Variants in RAPGEFL1 observed in about 807,000 individuals in gnomAD.
RAPGEFL1 encodes rap guanine nucleotide exchange factor-like 1.
In RAPGEFL1, 31 loss-of-function variants were observed where a neutral mutation model predicts 64.4. The ratio of observed to expected loss-of-function variants is 0.48; its 90% CI spans 0.36 to 0.65. The LOEUF (loss-of-function observed/expected upper bound fraction) is 0.65, where lower values mean the gene tolerates loss of function less well. Ranked by LOEUF, RAPGEFL1 falls within the 30% of genes least tolerant of loss-of-function variation. The pLI, the probability that RAPGEFL1 is intolerant of heterozygous loss-of-function variation, is 0.00. For synonymous variants in RAPGEFL1, 331 were observed against 274.1 expected, an observed-to-expected ratio of 1.21 and a Z score of -2.05; for missense variants, 682 against 677.4, an observed-to-expected ratio of 1.01 and a Z score of -0.08.
chr17:40,179,202 G>T lies in RAPGEFL1; in HGVS notation c.520+821G>T, dbSNP rs981824904. Among the ~76,000 whole-genome samples the T allele has an allele frequency of 6.6e-5, 10 of 152,264 alleles. No individual in the cohort carries two copies. The South Asian group carries it at 2.1e-3, about 32-fold the overall frequency. On this transcript the variant is annotated intron_variant, in intron 1 of 14. Transcript: ENST00000620260. ...CTGCCTCAGCCTCCTGAGTAGCTGG[G>T]ACTACAGGCATGTGGCACCACGCCT...
In RAPGEFL1 at chr17:40,184,206, A is replaced by G; in HGVS notation, c.600-8A>G. On this transcript the variant is annotated splice_region_variant and splice_polypyrimidine_tract_variant and intron_variant, in intron 2 of 14. Coordinates refer to ENST00000620260, the MANE Select transcript of RAPGEFL1 (RefSeq NM_016339.6). ...TTGCGTAGGGATTTTTCTTAACTTAAGGGTCAGCTTTGTTCGGGCAGGAGG... is the reference window on the plus strand; with the variant it reads ...TTGCGTAGGGATTTTTCTTAACTTAGGGGTCAGCTTTGTTCGGGCAGGAGG... 5 of 1,593,788 alleles carry G rather than the reference A, an allele frequency of 3.1e-6. No homozygotes were observed. The highest frequency in any genetic ancestry group is 4.3e-6 in the Non-Finnish European group (5 of 1,162,064).
chr17:40,180,433 A>G (rs1989858978), intron 1 of RAPGEFL1, among the ~76,000 whole-genome samples: 1 of 152,084 alleles, frequency 6.6e-6, no homozygotes, highest in Admixed American at 6.5e-5. Flanking sequence ...TGCCACTCTG[A>G]TGTTCTCCAA....
intron 12 of RAPGEFL1, 93 bp from the exon 13 acceptor site, chr17:40,192,833 T>C: frequency 7.3e-7 from 1 of 1,363,530 alleles, no homozygotes; most frequent in African/African-American, 1.4e-5. Context: ...ACGGAGTGGG[T>C]TCTGGGGAAG....
rs374789467 is a variant in RAPGEFL1, at chr17:40,188,859, A to G, written c.834-7A>G. On this transcript the variant is annotated splice_polypyrimidine_tract_variant and splice_region_variant and intron_variant, in intron 4 of 14. Transcript: ENST00000620260. Reference sequence around the variant, plus strand: ...GGCGTGCTGATGCCCAGCTGTGTCCATGCCAGGATTCCAGAGGAGAACCAG... The same window carrying G: ...GGCGTGCTGATGCCCAGCTGTGTCCGTGCCAGGATTCCAGAGGAGAACCAG... 5 of 1,612,638 alleles carry G rather than the reference A, an allele frequency of 3.1e-6. No individual in the cohort carries two copies. The highest frequency in any genetic ancestry group is 4.5e-5 in the East Asian group (2 of 44,876).
chr17:40,179,669 G>A (rs918335394), intron 1 of RAPGEFL1, among the ~76,000 whole-genome samples: 1 of 152,206 alleles, frequency 6.6e-6, no homozygotes, highest in Admixed American at 6.5e-5. Flanking sequence ...GTAGAAGACC[G>A]AGGGTTCTTT....
At chr17:40,188,434 C>A in intron 4 of RAPGEFL1, 1 of 199,138 alleles carries the variant, frequency 5.0e-6, no homozygotes, top group South Asian at 8.7e-5. Context: ...TTCTTTTCAG[C>A]AAAATTCAGC....
At chr17:40,184,507 T>A in intron 3 of RAPGEFL1, 74 bp from the exon 4 acceptor site, 1 of 1,166,966 alleles carries the variant, frequency 8.6e-7, no homozygotes, top group East Asian at 2.5e-5. Flanking sequence ...TATGGAGACC[T>A]TGCCCGGCCC....
At position 40,190,778 on chromosome 17, in the gene RAPGEFL1, G is replaced by T. The variant is rs774483392; in HGVS notation, c.1335+16G>T. The T allele has an allele frequency of 3.3e-5, 53 of 1,613,544 alleles. No individual in the cohort carries two copies. Among genetic ancestry groups the T allele is most frequent in the Non-Finnish European group, 4.0e-5 (47 of 1,179,818 alleles). ...TGTGCATGAGGTGGGGACCGAGGCT[G>T]GTGCTATGCTGGGGGGCTGGAGGGA... On this transcript the variant is annotated intron_variant, in intron 8 of 14. Coordinates refer to ENST00000620260, the MANE Select transcript of RAPGEFL1 (RefSeq NM_016339.6).
intron 1 of RAPGEFL1, among the ~76,000 whole-genome samples, chr17:40,179,783 G>A (rs1598437461): frequency 2.0e-5 from 3 of 152,112 alleles, no homozygotes; most frequent in South Asian, 2.1e-4. Context: ...CTCAGCCCTC[G>A]GCAGGGAACC....
chr17:40,177,559 G>A lies in RAPGEFL1; in HGVS notation c.-303G>A. On this transcript the variant is annotated 5_prime_UTR_variant, in exon 1 of 15. Transcript: ENST00000620260. ...TTGCGCTCCGCCCGCTGCCTCTGCC[G>A]CCGCAGCGCAGAGCCGGGCGCACCG... 1 of 504,778 alleles carries A rather than the reference G, an allele frequency of 2.0e-6. No individual in the cohort carries two copies. Among genetic ancestry groups the A allele is most frequent in the Non-Finnish European group, 3.5e-6 (1 of 289,710 alleles). The allele number at this position is 504,778 out of a possible 1,614,324, so 31.3% of individuals were successfully genotyped here.
intron 6 of RAPGEFL1, 22 bp downstream of exon 6, chr17:40,189,397 G>A: frequency 6.2e-7 from 1 of 1,612,906 alleles, no homozygotes; most frequent in Non-Finnish European, 8.5e-7. Context: ...GAAGAACTGG[G>A]CTGATGCTCC....
In RAPGEFL1 at chr17:40,178,339, G is replaced by A. The variant is rs779892052; in HGVS notation, c.478G>A (p.Glu160Lys). ...RPEHLLNRVL[E>K]RLAGGATRDS... ...CGAGCATCTTCTGAACCGGGTTCTGGAGCGGCTTGCTGGAGGGGCTACCAG... is the reference window on the plus strand; with the variant it reads ...CGAGCATCTTCTGAACCGGGTTCTGAAGCGGCTTGCTGGAGGGGCTACCAG... The change falls in exon 1 of 15, where the codon GAG (glutamate) becomes AAG (lysine). Residue 160 changes from glutamate to lysine, a missense_variant. Physicochemically the swap from Glu to Lys is moderately conservative, Grantham distance 56. Transcript: ENST00000620260. 2.1e-4 allele frequency: 119 copies of A among 569,556 alleles called. 1 individual carries two copies. The highest frequency in any genetic ancestry group is 1.8e-3 in the South Asian group (90 of 51,064). The allele number at this position is 569,556 out of a possible 1,614,324, so 35.3% of individuals were successfully genotyped here. A position where few individuals can be genotyped will look rare whatever the true frequency, so the allele number is the denominator to read the frequency against.
chr17:40,193,293 G>A (rs890943753), intron 13 of RAPGEFL1, 70 bp from the exon 14 acceptor site: 95 of 1,504,938 alleles, frequency 6.3e-5, no homozygotes, highest in African/African-American at 1.2e-4. Context: ...GGAGAATGGC[G>A]GAGGGGGAGC....
intron 4 of RAPGEFL1, 186 bp from the exon 5 acceptor site, chr17:40,188,679 AT>A: frequency 1.7e-6 from 1 of 596,260 alleles, no homozygotes; most frequent in Non-Finnish European, 3.0e-6. Flanking sequence ...GTGGCATTTG[AT>A]TAGGGTTACT....
chr17:40,187,115 A>G (rs1202224946), intron 4 of RAPGEFL1, among the ~76,000 whole-genome samples: 1 of 151,920 alleles, frequency 6.6e-6, no homozygotes, highest in Non-Finnish European at 1.5e-5. Flanking sequence ...GCCTGACTAT[A>G]AGTTTATAAA....
intron 1 of RAPGEFL1, among the ~76,000 whole-genome samples, chr17:40,180,343 T>C (rs1328864042): frequency 6.6e-6 from 1 of 152,172 alleles, no homozygotes; most frequent in East Asian, 1.9e-4. Context: ...TCACCCATGT[T>C]ATCTGGCAGC....
chr17:40,178,128 G>T lies in RAPGEFL1; in HGVS notation c.267G>T (p.Ala89=), dbSNP rs1417957580. Residue 89 remains alanine, a synonymous_variant, in exon 1 of 15, where the codon GCG becomes GCT. Transcript: ENST00000620260. The part of the protein sequence containing the change: ...PPPEEEGGEP[A]GVAEEPGSGG... ...CTGAGGAGGAAGGAGGAGAGCCGGC[G>T]GGGGTCGCGGAGGAGCCGGGCAGCG... 1.8e-6 allele frequency: 1 copy of T among 561,276 alleles called. No homozygotes were observed. Among genetic ancestry groups the T allele is most frequent in the Non-Finnish European group, 3.1e-6 (1 of 318,100 alleles). The allele number at this position is 561,276 out of a possible 1,614,324, so 34.8% of individuals were successfully genotyped here. A position where few individuals can be genotyped will look rare whatever the true frequency, so the allele number is the denominator to read the frequency against.
Position 40,191,785 on chromosome 17 carries a change from G to C in RAPGEFL1, c.1605+113G>C. 7.4e-6 allele frequency: 8 copies of C among 1,078,756 alleles called. No homozygotes were observed. The South Asian group carries it at 9.7e-5, about 13-fold the overall frequency. The allele number at this position is 1,078,756 out of a possible 1,614,324, so 66.8% of individuals were successfully genotyped here. A position where few individuals can be genotyped will look rare whatever the true frequency, so the allele number is the denominator to read the frequency against. ...AGGGAGTCTTTGCGCCAGTTGGAGG[G>C]AGGCGCCCTCTTCTGGCATACGCAA... On this transcript the variant is annotated intron_variant, in intron 10 of 14. Coordinates refer to ENST00000620260, the MANE Select transcript of RAPGEFL1 (RefSeq NM_016339.6). This position sits in a 1 kb window ranked among gnomAD's most constrained non-coding sequence, Gnocchi z 5.1.
intron 1 of RAPGEFL1, among the ~76,000 whole-genome samples, chr17:40,179,066 CTTT>C (rs113460127): frequency 7.0e-6 from 1 of 142,724 alleles, no homozygotes; most frequent in Non-Finnish European, 1.5e-5. Context: ...CAGCACCCGG[CTTT>C]TTTTTTTTTT....
Sources: gnomAD v4.1 joint callset for allele counts (sites outside exome capture counted in the v4.1 genomes callset) on GRCh38, gnomAD v4.1.1 for gene constraint, Gnocchi (gnomAD v3.1) non-coding constraint, MANE v1.5 for transcripts, NCBI Gene and HGNC (gene_info 2026-07-23, HGNC 2026-07-21) for gene names.